ADAMTS3: variants seen among roughly 807,000 people sequenced by gnomAD.
The protein encoded by ADAMTS3 is ADAM metallopeptidase with thrombospondin type 1 motif 3.
Under a neutral mutation model 129.0 loss-of-function variants are expected in ADAMTS3, and 73 were observed. The ratio of observed to expected loss-of-function variants is 0.57; its 90% CI spans 0.47 to 0.69. The LOEUF (loss-of-function observed/expected upper bound fraction) is 0.69. Ranked by LOEUF, ADAMTS3 falls within the 30% of genes least tolerant of loss-of-function variation. The pLI, the probability that ADAMTS3 is intolerant of heterozygous loss-of-function variation, is 0.00. For synonymous variants in ADAMTS3, 477 were observed against 510.8 expected (o/e 0.93, Z 0.89); for missense variants, 1,457 against 1,514.5 (o/e 0.96, Z 0.63).
intron 3 of ADAMTS3, among the ~76,000 whole-genome samples, chr4:72,445,100 T>C (rs968566284): frequency 2.0e-5 from 3 of 151,540 alleles, no homozygotes; most frequent in Non-Finnish European, 3.0e-5. Flanking sequence ...ATTTTTGAGA[T>C]AATGAAAATG....
intron 14 of ADAMTS3, 95 bp from the exon 15 acceptor site, chr4:72,309,615 C>G (rs190150215): frequency 8.1e-6 from 11 of 1,366,180 alleles, no homozygotes; most frequent in Middle Eastern, 1.9e-4. Flanking sequence ...AGTCATGGCC[C>G]ACAGTCAGCC....
At chr4:72,410,169 A>G (rs1470931845) in intron 4 of ADAMTS3, among the ~76,000 whole-genome samples, 1 of 152,170 alleles carries the variant, frequency 6.6e-6, no homozygotes, top group Non-Finnish European at 1.5e-5. Context: ...ACATGTCTAC[A>G]GATTCAAGGA....
chr4:72,493,284 C>G (rs892546982), intron 3 of ADAMTS3, among the ~76,000 whole-genome samples: 5 of 151,858 alleles, frequency 3.3e-5, no homozygotes, highest in African/African-American at 1.2e-4. Flanking sequence ...GTTTATCTTA[C>G]AGTGGTTTTG....
Position 72,342,491 on chromosome 4 carries a change from G to A in ADAMTS3, c.662-2798C>T, listed in dbSNP as rs1489602608. Among the ~76,000 whole-genome samples the A allele has an allele frequency of 4.0e-5, 6 of 151,598 alleles. No homozygotes were observed. The East Asian group carries it at 1.2e-3, about 30-fold the overall frequency. On this transcript the variant is annotated intron_variant, in intron 4 of 21. Coordinates refer to ENST00000286657, the MANE Select transcript of ADAMTS3 (RefSeq NM_014243.3). The stretch of plus-strand genomic sequence containing the variant: ...TGATTCTTGTGCCTCAACCTCCCGA[G>A]TAGCTGGGATTACAGGCACACACCA...
intron 4 of ADAMTS3, among the ~76,000 whole-genome samples, chr4:72,347,186 G>A (rs1344043304): frequency 1.3e-5 from 2 of 152,070 alleles, no homozygotes; most frequent in South Asian, 4.1e-4. Context: ...TGATGAGTAT[G>A]AGCCTGTGAA....
intron 21 of ADAMTS3, among the ~76,000 whole-genome samples, chr4:72,287,376 C>T (rs922214319): frequency 1.4e-5 from 2 of 147,862 alleles, no homozygotes; most frequent in Non-Finnish European, 3.0e-5. Flanking sequence ...GATGGAGAGA[C>T]AGAGACAGAC....
In ADAMTS3 at chr4:72,530,481, TA is replaced by T. The variant is rs1437589053; in HGVS notation, c.504+17996del. Among the ~76,000 whole-genome samples the T allele has an allele frequency of 1.1e-4, 10 of 89,646 alleles. No homozygotes were observed. In the Admixed American group the frequency reaches 1.2e-3, roughly 11 times the overall value. The allele number at this position is 89,646 out of a possible 152,430, so 58.8% of individuals were successfully genotyped here. A position where few individuals can be genotyped will look rare whatever the true frequency, so the allele number is the denominator to read the frequency against. On this transcript the variant is annotated intron_variant, in intron 3 of 21. Transcript: ENST00000286657. ...ATATTAAATATATTAATTTAATATATAAATATATATTTATATACAAATATAT... is the reference window on the plus strand; with the variant it reads ...ATATTAAATATATTAATTTAATATATAATATATATTTATATACAAATATAT...
In ADAMTS3 at chr4:72,399,462, G is replaced by C. The variant is rs1030965128; in HGVS notation, c.661+15353C>G. 5.9e-5 allele frequency among the ~76,000 whole-genome samples: 9 copies of C among 152,012 alleles called. 1 individual carries two copies. The highest frequency in any genetic ancestry group is 5.2e-4 in the Admixed American group (8 of 15,252). ...AAGAAAAAATTATTTTTCTCAGCAA[G>C]GTTCTTAACATTTCTGAGTATCAGA... On this transcript the variant is annotated intron_variant, in intron 4 of 21. Transcript: ENST00000286657.
intron 3 of ADAMTS3, among the ~76,000 whole-genome samples, chr4:72,461,453 T>G (rs149145614): frequency 9.9e-5 from 15 of 151,888 alleles, no homozygotes; most frequent in Admixed American, 3.3e-4. Flanking sequence ...GATATTCTCT[T>G]TAGTCAATTC....
chr4:72,291,089 A>G, intron 19 of ADAMTS3, 27 bp from the exon 20 acceptor site: 1 of 1,611,630 alleles, frequency 6.2e-7, no homozygotes. Context: ...TTAATATTGC[A>G]ATTATCACTG....
At chr4:72,497,546 T>G (rs1719900825) in intron 3 of ADAMTS3, among the ~76,000 whole-genome samples, 1 of 151,480 alleles carries the variant, frequency 6.6e-6, no homozygotes, top group African/African-American at 2.4e-5. Flanking sequence ...TATCAAAACA[T>G]AGCCCATAAA....
At chr4:72,375,445 A>T (rs1309386682) in intron 4 of ADAMTS3, among the ~76,000 whole-genome samples, 1 of 152,202 alleles carries the variant, frequency 6.6e-6, no homozygotes, top group East Asian at 1.9e-4. Flanking sequence ...TTAATGGAAA[A>T]GACAGAGCTT....
chr4:72,548,082 G>A (rs809308), intron 3 of ADAMTS3, among the ~76,000 whole-genome samples: 152,190 of 152,316 alleles, frequency 1, 76,032 homozygotes, highest in Non-Finnish European at 1. Flanking sequence ...TTCTTTACGA[G>A]GATATCCAAA....
At chr4:72,283,758 A>G in intron 21 of ADAMTS3, 54 bp from the exon 22 acceptor site, 2 of 1,438,618 alleles carry the variant, frequency 1.4e-6, no homozygotes, top group Non-Finnish European at 1.8e-6. Flanking sequence ...ATAAAATAAA[A>G]GGAGGAAAAA....
chr4:72,460,792 T>A (rs1024746089), intron 3 of ADAMTS3, among the ~76,000 whole-genome samples: 5 of 151,558 alleles, frequency 3.3e-5, no homozygotes, highest in African/African-American at 1.2e-4. Context: ...GATACCACTA[T>A]AAAATTGTGT....
Position 72,335,706 on chromosome 4 carries a change from T to C in ADAMTS3, c.861+3788A>G, listed in dbSNP as rs188221981. On this transcript the variant is annotated intron_variant, in intron 5 of 21. Coordinates refer to ENST00000286657, the MANE Select transcript of ADAMTS3 (RefSeq NM_014243.3). ...AAAGTCTCTGTTTCCTTTGGAAAAA[T>C]TGTAATAATTTCCATCTTGCAATAT... Among the ~76,000 whole-genome samples the C allele has an allele frequency of 1.9e-4, 29 of 152,268 alleles. No homozygotes were observed. The East Asian group carries it at 3.3e-3, about 17-fold the overall frequency.
chr4:72,505,880 G>A (rs148417391), intron 3 of ADAMTS3, among the ~76,000 whole-genome samples: 4 of 152,302 alleles, frequency 2.6e-5, no homozygotes, highest in East Asian at 3.9e-4. Flanking sequence ...TGTTCCAGGT[G>A]AGCAGGTGCT....
At chr4:72,430,827 TA>T (rs5859322) in intron 3 of ADAMTS3, among the ~76,000 whole-genome samples, 43 of 143,216 alleles carry the variant, frequency 3.0e-4, no homozygotes, top group African/African-American at 9.0e-4. Flanking sequence ...CCAAAATCAT[TA>T]AAAAAAAAAA....
At chr4:72,401,173 A>G (rs1721904893) in intron 4 of ADAMTS3, among the ~76,000 whole-genome samples, 1 of 152,018 alleles carries the variant, frequency 6.6e-6, no homozygotes, top group Non-Finnish European at 1.5e-5. Flanking sequence ...ATCATCACGT[A>G]AAATCCTATT....
Sources: allele counts gnomAD v4.1 joint callset (sites outside exome capture counted in the v4.1 genomes callset), GRCh38; gene constraint gnomAD v4.1.1; transcripts MANE v1.5; gene names NCBI Gene and HGNC (gene_info 2026-07-23, HGNC 2026-07-21).